NVL: variants seen among roughly 807,000 people sequenced by gnomAD.
NVL encodes nuclear VCP like.
In NVL, 84 loss-of-function variants were observed where a neutral mutation model predicts 110.2. The observed-to-expected ratio is 0.76, with a 90% confidence interval of 0.64 to 0.91. NVL has a LOEUF of 0.91. Among genes scored for constraint, NVL ranks in the 40% least tolerant of loss-of-function variants. The pLI is 0.00. For missense variants in NVL, 882 were observed against 1,035.9 expected, an observed-to-expected ratio of 0.85 and a Z score of 2.04; for synonymous variants, 354 against 361.1, an observed-to-expected ratio of 0.98 and a Z score of 0.22.
At chr1:224,306,939 A>G (rs1326601071) in intron 6 of NVL, among the ~76,000 whole-genome samples, 3 of 152,224 alleles carry the variant, frequency 2.0e-5, no homozygotes, top group Admixed American at 2.0e-4. Flanking sequence ...AGATTTGGAA[A>G]GGCCTATTAA....
At chr1:224,306,649 T>C (rs897754277) in intron 6 of NVL, among the ~76,000 whole-genome samples, 2 of 152,112 alleles carry the variant, frequency 1.3e-5, no homozygotes, top group African/African-American at 4.8e-5. Flanking sequence ...CTGAGCAACA[T>C]GGCCAAACGC....
chr1:224,319,360 T>G (rs1233637331), intron 2 of NVL, among the ~76,000 whole-genome samples: 1 of 151,702 alleles, frequency 6.6e-6, no homozygotes, highest in African/African-American at 2.4e-5. Context: ...CAGGCTGGAG[T>G]GCAGTGGTGC....
At chr1:224,250,109 C>T in intron 19 of NVL, 103 bp downstream of exon 19, 1 of 1,170,936 alleles carries the variant, frequency 8.5e-7, no homozygotes. Context: ...AACACAGCTA[C>T]AGAAAAGAAA....
rs1310284508 is a variant in NVL, at chr1:224,244,108, C to T, written c.2289+6104G>A. Among the ~76,000 whole-genome samples, 7 of 151,578 alleles carry T rather than the reference C, an allele frequency of 4.6e-5. No homozygotes were observed. The South Asian group carries it at 6.3e-4, about 14-fold the overall frequency. ...GGGGGCCGGGCGTGGTGGCTCATGC[C>T]TATAATCCCAGCACTTTGGGAGGCC... On this transcript the variant is annotated intron_variant, in intron 19 of 22. Coordinates refer to ENST00000281701, the MANE Select transcript of NVL (RefSeq NM_002533.4).
intron 6 of NVL, 76 bp downstream of exon 6, chr1:224,307,915 T>C: frequency 7.3e-7 from 1 of 1,373,364 alleles, no homozygotes; most frequent in Non-Finnish European, 9.8e-7. Context: ...CACAAGTATC[T>C]GATTGATATT....
chr1:224,247,366 C>T (rs1661972312), intron 19 of NVL, among the ~76,000 whole-genome samples: 1 of 151,752 alleles, frequency 6.6e-6, no homozygotes, highest in South Asian at 2.1e-4. Flanking sequence ...CCACTATGCC[C>T]AACTAATTAA....
chr1:224,256,423 T>TAAAAAAA (rs34959473), intron 18 of NVL, among the ~76,000 whole-genome samples: 80 of 75,648 alleles, frequency 1.1e-3, no homozygotes, highest in South Asian at 2.0e-3. Flanking sequence ...AGGCTCCATC[T>TAAAAAAA]AAAAAAAAAA....
intron 12 of NVL, among the ~76,000 whole-genome samples, chr1:224,292,229 C>T (rs887221018): frequency 2.0e-5 from 3 of 152,062 alleles, no homozygotes; most frequent in African/African-American, 7.3e-5. Context: ...CATAGTGAGA[C>T]CCTTTCTCTA....
intron 4 of NVL, chr1:224,313,211 C>T (rs1202512649): frequency 5.7e-6 from 1 of 176,386 alleles, no homozygotes; most frequent in Non-Finnish European, 1.2e-5. Flanking sequence ...TAAAATTAAT[C>T]AGCATTACTT....
At chr1:224,285,348 T>A (rs1254419003) in intron 15 of NVL, among the ~76,000 whole-genome samples, 1 of 152,188 alleles carries the variant, frequency 6.6e-6, no homozygotes, top group African/African-American at 2.4e-5. Flanking sequence ...GGCAAGAGAA[T>A]TGATTGAACT....
chr1:224,251,271 C>CA (rs35538758), intron 18 of NVL, among the ~76,000 whole-genome samples: 20,235 of 62,084 alleles, frequency 0.33, 3,990 homozygotes, highest in East Asian at 0.5. Context: ...GATACTGTCT[C>CA]AAAAAAAAAA....
chr1:224,293,215 G>C (rs533597107), intron 12 of NVL, among the ~76,000 whole-genome samples: 12 of 151,884 alleles, frequency 7.9e-5, no homozygotes, highest in African/African-American at 2.7e-4. Flanking sequence ...GACTACAGGA[G>C]CCTGCCACCA....
chr1:224,328,638 A>G (rs1407277823), intron 1 of NVL, among the ~76,000 whole-genome samples: 2 of 152,250 alleles, frequency 1.3e-5, no homozygotes, highest in East Asian at 3.9e-4. Flanking sequence ...CTTGGAATAT[A>G]TTTTGAAAGT....
intron 22 of NVL, chr1:224,228,121 G>T (rs906180197): frequency 4.6e-5 from 7 of 152,172 alleles, no homozygotes; most frequent in African/African-American, 1.7e-4. Context: ...TTACCTTCCT[G>T]CATCTAAATC....
chr1:224,281,969 G>GAAAAAAA (rs1666392938), intron 15 of NVL, among the ~76,000 whole-genome samples: 1 of 149,232 alleles, frequency 6.7e-6, no homozygotes. Context: ...AAAAAAAAAG[G>GAAAAAAA]AAAAAAGACA....
intron 18 of NVL, among the ~76,000 whole-genome samples, chr1:224,264,593 C>T (rs998268993): frequency 6.6e-6 from 1 of 152,076 alleles, no homozygotes; most frequent in Non-Finnish European, 1.5e-5. Flanking sequence ...TATGCAGCAA[C>T]GGCTAACCAG....
intron 11 of NVL, among the ~76,000 whole-genome samples, chr1:224,295,963 A>C (rs867478632): frequency 4.4e-4 from 61 of 137,946 alleles, no homozygotes; most frequent in Middle Eastern, 3.6e-3. Flanking sequence ...TCTGTCTCAA[A>C]AAAAAAAAAA....
Position 224,306,554 on chromosome 1 carries a change from C to G in NVL, c.616-1388G>C, listed in dbSNP as rs145881693. On this transcript the variant is annotated intron_variant, in intron 6 of 22. Transcript: ENST00000281701. ...GTGCTGGGAATACAGGTGTGAGCCA[C>G]TGCACCCGGCCAAAAAAAATTGTTT... 2.0e-5 allele frequency among the ~76,000 whole-genome samples: 3 copies of G among 152,292 alleles called. No individual in the cohort carries two copies. The East Asian group carries it at 5.8e-4, about 29-fold the overall frequency.
chr1:224,286,886 T>C (rs1666922515), intron 14 of NVL, among the ~76,000 whole-genome samples: 1 of 152,122 alleles, frequency 6.6e-6, no homozygotes, highest in Admixed American at 6.6e-5. Context: ...AGTAGAAAAG[T>C]AAAGTAAATA....
Sources: allele counts gnomAD v4.1 joint callset (sites outside exome capture counted in the v4.1 genomes callset), GRCh38; gene constraint gnomAD v4.1.1; transcripts MANE v1.5; gene names NCBI Gene and HGNC (gene_info 2026-07-23, HGNC 2026-07-21).